Variants in PACSIN1 observed in about 807,000 individuals in gnomAD.
The protein encoded by PACSIN1 is protein kinase C and casein kinase substrate in neurons protein 1.
PACSIN1 carries 15 observed loss-of-function variants against 59.5 expected under a neutral mutation model. That is an observed-to-expected ratio of 0.25 (90% CI 0.17 to 0.39). PACSIN1 has a LOEUF of 0.39. Among genes scored for constraint, PACSIN1 ranks in the 10% least tolerant of loss-of-function variants. PACSIN1 has a pLI of 1.00. For missense variants in PACSIN1, 420 were observed against 580.2 expected, an observed-to-expected ratio of 0.72 and a Z score of 2.84; for synonymous variants, 210 against 220.6, an observed-to-expected ratio of 0.95 and a Z score of 0.42.
At chr6:34,496,128 C>T (rs574594791) in intron 1 of PACSIN1, among the ~76,000 whole-genome samples, 111 of 152,326 alleles carry the variant, frequency 7.3e-4, no homozygotes, top group Non-Finnish European at 1.2e-3. Flanking sequence ...GGACTAAAGG[C>T]AGCCTATGGT....
At chr6:34,480,755 A>T (rs1174029335) in intron 1 of PACSIN1, among the ~76,000 whole-genome samples, 2 of 152,144 alleles carry the variant, frequency 1.3e-5, no homozygotes, top group Non-Finnish European at 2.9e-5. Context: ...AAAGGAATGG[A>T]ATCACTAGGT....
At chr6:34,477,269 T>C (rs1379836040) in intron 1 of PACSIN1, among the ~76,000 whole-genome samples, 2 of 148,436 alleles carry the variant, frequency 1.3e-5, no homozygotes, top group South Asian at 2.1e-4. Flanking sequence ...AGCGGGAGGA[T>C]TGCTTGAGTC....
At chr6:34,494,612 T>C (rs1053758692) in intron 1 of PACSIN1, among the ~76,000 whole-genome samples, 14 of 152,104 alleles carry the variant, frequency 9.2e-5, no homozygotes, top group African/African-American at 3.4e-4. Flanking sequence ...CCTGGCTAAT[T>C]TTTAAATTTT....
At chr6:34,467,542 G>A (rs1227491652) in intron 1 of PACSIN1, among the ~76,000 whole-genome samples, 1 of 146,186 alleles carries the variant, frequency 6.8e-6, no homozygotes, top group Non-Finnish European at 1.5e-5. Context: ...GTTCTCTTTA[G>A]TAGGCCCTTC....
At chr6:34,522,982 T>C (rs548560602) in intron 1 of PACSIN1, among the ~76,000 whole-genome samples, 1 of 152,306 alleles carries the variant, frequency 6.6e-6, no homozygotes, top group African/African-American at 2.4e-5. Flanking sequence ...AGTCCACTGA[T>C]TGCAAAGCCG....
chr6:34,498,656 C>T (rs1312254793), intron 1 of PACSIN1, among the ~76,000 whole-genome samples: 1 of 151,874 alleles, frequency 6.6e-6, no homozygotes, highest in Non-Finnish European at 1.5e-5. Flanking sequence ...AAAAATTAGG[C>T]ATGGTTGCAC....
intron 3 of PACSIN1, among the ~76,000 whole-genome samples, chr6:34,527,989 G>A (rs1301461782): frequency 1.3e-5 from 2 of 152,236 alleles, no homozygotes; most frequent in African/African-American, 2.4e-5. Context: ...TGGCAATTGC[G>A]CTTGCTAGTC....
intron 1 of PACSIN1, among the ~76,000 whole-genome samples, chr6:34,503,880 A>G (rs1176351041): frequency 1.3e-5 from 2 of 152,174 alleles, no homozygotes; most frequent in Non-Finnish European, 2.9e-5. Flanking sequence ...AGTGCCCCAG[A>G]GGTGTGCTCC....
chr6:34,524,361 C>G (rs554061209), intron 1 of PACSIN1, among the ~76,000 whole-genome samples: 1 of 152,278 alleles, frequency 6.6e-6, no homozygotes, highest in Admixed American at 6.5e-5. Context: ...AAAATTCATG[C>G]ACATGAGGCA....
At chr6:34,527,553 T>C (rs1328640135) in intron 3 of PACSIN1, 65 bp downstream of exon 3, 1 of 1,436,082 alleles carries the variant, frequency 7.0e-7, no homozygotes, top group Non-Finnish European at 9.3e-7. Flanking sequence ...GTCTGGGTCC[T>C]AGGAGCCCCG....
chr6:34,511,827 CTG>C (rs146771144), intron 1 of PACSIN1, among the ~76,000 whole-genome samples: 1,870 of 152,260 alleles, frequency 0.012, 19 homozygotes, highest in Middle Eastern at 0.021. Flanking sequence ...CGTGGGATAA[CTG>C]TGCTGAGCTG....
At chr6:34,472,287 A>G (rs1338371210) in intron 1 of PACSIN1, among the ~76,000 whole-genome samples, 1 of 151,582 alleles carries the variant, frequency 6.6e-6, no homozygotes, top group East Asian at 1.9e-4. Flanking sequence ...AAAAAAAAAA[A>G]AAAAAAAGAA....
At chr6:34,517,548 C>T (rs1472995534) in intron 1 of PACSIN1, among the ~76,000 whole-genome samples, 1 of 151,686 alleles carries the variant, frequency 6.6e-6, no homozygotes, top group Non-Finnish European at 1.5e-5. Flanking sequence ...GGCCACATGA[C>T]CCCCTTGCTC....
rs778966778 is a variant in PACSIN1 at position 34,527,352 on chromosome 6, C to A, written c.84C>A (p.Thr28=). 1.3e-6 allele frequency: 2 copies of A among 1,589,312 alleles called. No individual in the cohort carries two copies. The highest frequency in any genetic ancestry group is 2.3e-5 in the East Asian group (1 of 42,732). The change falls in exon 3 of 10, where the codon ACC becomes ACA. Residue 28 remains threonine, a synonymous_variant. Coordinates refer to ENST00000244458, the MANE Select transcript of PACSIN1 (RefSeq NM_020804.5). ...SFWEVGNYKR[T]VKRIDDGHRL... Reference sequence around the variant, plus strand: ...GCCAGGTGGGGAACTACAAGCGGACCGTGAAGCGCATCGATGACGGCCACC... The same window carrying A: ...GCCAGGTGGGGAACTACAAGCGGACAGTGAAGCGCATCGATGACGGCCACC...
intron 2 of PACSIN1, 103 bp downstream of exon 2, chr6:34,526,471 G>GT: frequency 1.1e-6 from 1 of 932,260 alleles, no homozygotes; most frequent in Non-Finnish European, 1.7e-6. Flanking sequence ...CCACTCCGCA[G>GT]TCCCCCAGGC....
chr6:34,492,195 CTTTTTTTTTT>C (rs55745060), intron 1 of PACSIN1, among the ~76,000 whole-genome samples: 3 of 80,182 alleles, frequency 3.7e-5, no homozygotes, highest in Admixed American at 1.8e-4. Flanking sequence ...CTTTTTTGAC[CTTTTTTTTTT>C]TTTTTTTTTT....
intron 1 of PACSIN1, among the ~76,000 whole-genome samples, chr6:34,522,036 T>G (rs1767402250): frequency 6.6e-6 from 1 of 152,192 alleles, no homozygotes; most frequent in South Asian, 2.1e-4. Context: ...CTCTGAGTCT[T>G]GGTCTCCGCA....
At chr6:34,480,025 C>T (rs1309580678) in intron 1 of PACSIN1, among the ~76,000 whole-genome samples, 1 of 150,332 alleles carries the variant, frequency 6.7e-6, no homozygotes, top group African/African-American at 2.5e-5. Flanking sequence ...GGGGTTTCAC[C>T]GTGTTGGCCA....
Position 34,483,981 on chromosome 6 carries a change from G to C in PACSIN1, c.-64+17711G>C, listed in dbSNP as rs1164053582. On this transcript the variant is annotated intron_variant, in intron 1 of 9. Transcript: ENST00000244458. ...GGACTTTATGGGCTGCCCCAGCTGA[G>C]AGAGGGGACTTGTCCTCCTAGTATG... Among the ~76,000 whole-genome samples the C allele has an allele frequency of 1.1e-4, 16 of 152,252 alleles. No homozygotes were observed. The South Asian group carries it at 1.7e-3, about 16-fold the overall frequency.
Sources: allele counts gnomAD v4.1 joint callset (sites outside exome capture counted in the v4.1 genomes callset), GRCh38; gene constraint gnomAD v4.1.1; transcripts MANE v1.5; gene names NCBI Gene and HGNC (gene_info 2026-07-23, HGNC 2026-07-21).